Variants in USP37 observed in about 807,000 individuals in gnomAD.
USP37 encodes ubiquitin specific peptidase 37, also known as ubiquitin carboxyl-terminal hydrolase 37.
A neutral mutation model predicts 124.0 loss-of-function variants in USP37; 27 were observed. The observed-to-expected ratio is 0.22, with a 90% CI of 0.16 to 0.30. The LOEUF (loss-of-function observed/expected upper bound fraction) is 0.30. Among genes scored for constraint, USP37 ranks in the 10% least tolerant of loss-of-function variants. The probability of loss-of-function intolerance (pLI) is 1.00; values close to 1 mark genes in which losing one functional copy is unlikely to be tolerated. For synonymous variants in USP37, 365 were observed against 388.0 expected (o/e 0.94, Z 0.70); for missense variants, 889 against 1,140.4 (o/e 0.78, Z 3.17).
chr2:218,465,916 T>C, intron 21 of USP37, 94 bp downstream of exon 21: 1 of 1,425,868 alleles, frequency 7.0e-7, no homozygotes, highest in Non-Finnish European at 9.5e-7. Context: ...GAACAATGTC[T>C]GACACATAGT....
At position 218,466,091 on chromosome 2, in the gene USP37, A is replaced by G; in HGVS notation, c.2385T>C (p.Asp795=). 6.2e-7 allele frequency: 1 copy of G among 1,614,010 alleles called. No individual in the cohort carries two copies. Among genetic ancestry groups the G allele is most frequent in the Non-Finnish European group, 8.5e-7 (1 of 1,179,988 alleles). ...KTPEGSQGEV[D]WLQQYDMERE... ...GCTCCATATCATACTGCTGGAGCCA[A>G]TCAACTTCTCCCTGAGATCCTTCTG... Residue 795 remains aspartate, a synonymous_variant, in exon 21 of 26, where the codon GAT becomes GAC. Coordinates refer to ENST00000258399, the MANE Select transcript of USP37 (RefSeq NM_020935.3).
intron 10 of USP37, among the ~76,000 whole-genome samples, chr2:218,523,393 C>T (rs1437508171): frequency 5.3e-5 from 8 of 152,172 alleles, no homozygotes; most frequent in Admixed American, 5.2e-4. Context: ...TGCATTATAT[C>T]AGCACTCAAA....
At chr2:218,535,810 G>A (rs1691601198) in intron 8 of USP37, among the ~76,000 whole-genome samples, 3 of 150,640 alleles carry the variant, frequency 2.0e-5, no homozygotes, top group South Asian at 2.1e-4. Flanking sequence ...AGCCAAGATC[G>A]CGCCACTGCA....
chr2:218,525,688 A>C (rs1338223687), intron 10 of USP37, among the ~76,000 whole-genome samples: 1 of 151,996 alleles, frequency 6.6e-6, no homozygotes, highest in African/African-American at 2.4e-5. Context: ...TTACAATATA[A>C]ATTTTTTTCT....
At chr2:218,551,488 T>A (rs557014773) in intron 5 of USP37, among the ~76,000 whole-genome samples, 2 of 152,346 alleles carry the variant, frequency 1.3e-5, no homozygotes, top group African/African-American at 4.8e-5. Flanking sequence ...ATTAGGAAAT[T>A]AAAATTCAGT....
Position 218,466,095 on chromosome 2 carries a change from A to ACTT in USP37, c.2378_2380dup (p.Glu793dup), listed in dbSNP as rs776489237. 3.7e-6 allele frequency: 6 copies of ACTT among 1,613,862 alleles called. No individual in the cohort carries two copies. The South Asian group carries it at 6.6e-5, about 18-fold the overall frequency. On this transcript the variant is annotated inframe_insertion, in exon 21 of 26. Transcript: ENST00000258399. ...CATATCATACTGCTGGAGCCAATCA[A>ACTT]CTTCTCCCTGAGATCCTTCTGGAGT...
chr2:218,535,780 G>A lies in USP37; in HGVS notation c.681-1074C>T, dbSNP rs181555415. On this transcript the variant is annotated intron_variant, in intron 8 of 25. Coordinates refer to ENST00000258399, the MANE Select transcript of USP37 (RefSeq NM_020935.3). ...TGAGGTGGGAGAATGGCGTGAACCC[G>A]GGAGGCGGAGCTTGCAGTGAGCCAA... 8.6e-4 allele frequency among the ~76,000 whole-genome samples: 131 copies of A among 151,632 alleles called. 1 individual carries two copies. The highest frequency in any genetic ancestry group is 9.4e-4 in the Non-Finnish European group (64 of 67,854).
intron 14 of USP37, among the ~76,000 whole-genome samples, chr2:218,493,303 T>G (rs886770356): frequency 1.2e-4 from 19 of 152,302 alleles, no homozygotes; most frequent in Non-Finnish European, 2.4e-4. Flanking sequence ...CCCACCCAGC[T>G]GGCACAACCT....
chr2:218,548,824 G>A (rs1487094220), intron 6 of USP37, among the ~76,000 whole-genome samples: 1 of 151,904 alleles, frequency 6.6e-6, no homozygotes, highest in Non-Finnish European at 1.5e-5. Context: ...CTCCACTAAC[G>A]AGAATTACTA....
chr2:218,540,392 C>G (rs1691909184), intron 8 of USP37, among the ~76,000 whole-genome samples: 1 of 152,130 alleles, frequency 6.6e-6, no homozygotes, highest in South Asian at 2.1e-4. Flanking sequence ...AATCCCAGCA[C>G]TTTGGGAGGC....
At chr2:218,489,038 C>G (rs957531782) in intron 14 of USP37, among the ~76,000 whole-genome samples, 1 of 152,050 alleles carries the variant, frequency 6.6e-6, no homozygotes, top group Non-Finnish European at 1.5e-5. Context: ...GATAAATTAT[C>G]AGTTAACACA....
At chr2:218,476,616 C>T (rs1037733047) in intron 19 of USP37, among the ~76,000 whole-genome samples, 59 of 151,960 alleles carry the variant, frequency 3.9e-4, no homozygotes, top group Admixed American at 9.8e-4. Context: ...TATTTGAGGA[C>T]GAATATGCAA....
intron 20 of USP37, among the ~76,000 whole-genome samples, chr2:218,467,628 T>C (rs529268252): frequency 6.2e-4 from 95 of 152,102 alleles, no homozygotes; most frequent in Non-Finnish European, 1.0e-3. Context: ...ATTACAGGCG[T>C]GAGCCACCGT....
intron 23 of USP37, among the ~76,000 whole-genome samples, chr2:218,458,544 C>T (rs1689833522): frequency 6.6e-6 from 1 of 151,832 alleles, no homozygotes; most frequent in African/African-American, 2.4e-5. Flanking sequence ...CACTGCACTC[C>T]AGCCTGGGTG....
intron 10 of USP37, among the ~76,000 whole-genome samples, chr2:218,513,361 T>C (rs2106006235): frequency 6.6e-6 from 1 of 152,312 alleles, no homozygotes; most frequent in Non-Finnish European, 1.5e-5. Flanking sequence ...CTAAAAATTA[T>C]ATTATGCATT....
chr2:218,486,025 C>A, intron 15 of USP37: 1 of 314,822 alleles, frequency 3.2e-6, no homozygotes, highest in Non-Finnish European at 5.7e-6. Context: ...AGATTCTTAG[C>A]CTTTTCAGCC....
At chr2:218,505,404 CATT>C (rs1689625045) in intron 11 of USP37, among the ~76,000 whole-genome samples, 1 of 152,160 alleles carries the variant, frequency 6.6e-6, no homozygotes. Flanking sequence ...AAATGTTCAT[CATT>C]TACGTTTTTG....
rs540722159 is a variant in USP37, at chr2:218,558,022, T to C, written c.156+476A>G. On this transcript the variant is annotated intron_variant, in intron 4 of 25. Transcript: ENST00000258399. ...AACTTCACAGTTAGAAGAAAATAGC[T>C]ATAAAGATAACCTTGAATAATCATC... Among the ~76,000 whole-genome samples, 20 of 148,124 alleles carry C rather than the reference T, an allele frequency of 1.4e-4. 1 individual carries two copies. The South Asian group carries it at 3.7e-3, about 28-fold the overall frequency.
chr2:218,567,564 T>G (rs909502519), intron 1 of USP37, among the ~76,000 whole-genome samples: 10 of 152,136 alleles, frequency 6.6e-5, no homozygotes, highest in Non-Finnish European at 7.3e-5. Context: ...TGTCAGGAAT[T>G]GCCACCTCAA....
Sources: gnomAD v4.1 joint callset for allele counts (sites outside exome capture counted in the v4.1 genomes callset) on GRCh38, gnomAD v4.1.1 for gene constraint, MANE v1.5 for transcripts, NCBI Gene and HGNC (gene_info 2026-07-23, HGNC 2026-07-21) for gene names.